Variants in HKDC1 observed in about 807,000 individuals in gnomAD.
The protein encoded by HKDC1 is hexokinase domain containing 1, also known as hexokinase HKDC1.
A neutral mutation model predicts 96.6 loss-of-function variants in HKDC1; 66 were observed. The ratio of observed to expected loss-of-function variants is 0.68; its 90% CI spans 0.56 to 0.84. The LOEUF (loss-of-function observed/expected upper bound fraction) is 0.84, where lower values mean the gene tolerates loss of function less well. Ranked by LOEUF, HKDC1 falls within the 40% of genes least tolerant of loss-of-function variation. The pLI is 0.00. For synonymous variants in HKDC1, 466 were observed against 473.1 expected (o/e 0.98, Z 0.20); for missense variants, 1,211 against 1,208.1 (o/e 1.00, Z -0.04).
At chr10:69,261,806 T>G (rs1268590253) in intron 16 of HKDC1, among the ~76,000 whole-genome samples, 1 of 152,250 alleles carries the variant, frequency 6.6e-6, no homozygotes, top group Non-Finnish European at 1.5e-5. Context: ...GAATCTCTTT[T>G]AATCTATGGG....
At chr10:69,239,265 T>C (rs1843415729) in intron 5 of HKDC1, 128 bp downstream of exon 5, 10 of 631,378 alleles carry the variant, frequency 1.6e-5, no homozygotes, top group South Asian at 1.9e-5. Context: ...AGAGAAGGAA[T>C]TGATCTTAGA....
At chr10:69,229,962 G>T (rs1843225574) in intron 2 of HKDC1, among the ~76,000 whole-genome samples, 1 of 152,014 alleles carries the variant, frequency 6.6e-6, no homozygotes, top group Admixed American at 6.5e-5. Flanking sequence ...TGAGCTGGTG[G>T]TATAATTTCA....
chr10:69,230,790 CTT>C lies in HKDC1; in HGVS notation c.227-1971_227-1970del, dbSNP rs543658541. On this transcript the variant is annotated intron_variant, in intron 2 of 17. Transcript: ENST00000354624. ...CACTACGCCCAACTGACTTTTTTGT[CTT>C]TTGTTTTGTAGAGACAGGGTTTTAC... Among the ~76,000 whole-genome samples, 105 of 152,250 alleles carry C rather than the reference CTT, an allele frequency of 6.9e-4. No homozygotes were observed. The Middle Eastern group carries it at 0.01, about 15-fold the overall frequency.
Position 69,220,338 on chromosome 10 carries a change from G to A in HKDC1, c.-98G>A. 1.1e-6 allele frequency: 1 copy of A among 891,676 alleles called. No individual in the cohort carries two copies. Among genetic ancestry groups the A allele is most frequent in the Non-Finnish European group, 1.7e-6 (1 of 605,920 alleles). The allele number at this position is 891,676 out of a possible 1,614,324, so 55.2% of individuals were successfully genotyped here. A position where few individuals can be genotyped will look rare whatever the true frequency, so the allele number is the denominator to read the frequency against. ...CAACACCTCGCTCCCCAGGAGGTCT[G>A]CCAGCCTGGACTGGAAGCGTGCAAC... On this transcript the variant is annotated 5_prime_UTR_variant, in exon 1 of 18. Coordinates refer to ENST00000354624, the MANE Select transcript of HKDC1 (RefSeq NM_025130.4).
chr10:69,266,514 C>A, intron 17 of HKDC1, 96 bp from the exon 18 acceptor site: 7 of 1,345,580 alleles, frequency 5.2e-6, no homozygotes, highest in South Asian at 4.4e-5. Context: ...AAAAGCAAAC[C>A]AAAGGGAAGA....
At chr10:69,256,714 A>G (rs1379648634) in intron 12 of HKDC1, among the ~76,000 whole-genome samples, 1 of 152,126 alleles carries the variant, frequency 6.6e-6, no homozygotes, top group Non-Finnish European at 1.5e-5. Context: ...CTCAAAAAAA[A>G]AAAGAAAGAA....
chr10:69,257,176 C>A, intron 13 of HKDC1, 45 bp downstream of exon 13: 1 of 1,552,550 alleles, frequency 6.4e-7, no homozygotes, highest in Non-Finnish European at 8.9e-7. Flanking sequence ...GCTGCCTTCC[C>A]CAGGCCCCTC....
chr10:69,230,003 C>T (rs562745987), intron 2 of HKDC1, among the ~76,000 whole-genome samples: 1 of 152,312 alleles, frequency 6.6e-6, no homozygotes, highest in South Asian at 2.1e-4. Flanking sequence ...GCAAAACTCT[C>T]CTAATTCCTT....
At chr10:69,232,343 G>A (rs929606135) in intron 2 of HKDC1, 5 of 177,710 alleles carry the variant, frequency 2.8e-5, no homozygotes, top group Non-Finnish European at 6.0e-5. Context: ...GCTGCTCCTC[G>A]CCGCACATCC....
At chr10:69,243,508 T>C (rs1229146208) in intron 7 of HKDC1, 143 bp downstream of exon 7, 11 of 786,252 alleles carry the variant, frequency 1.4e-5, no homozygotes, top group Non-Finnish European at 2.1e-5. Flanking sequence ...CCTTTTTTTT[T>C]TTTTTTGAGA....
Position 69,247,569 on chromosome 10 carries a change from G to A in HKDC1, c.1241G>A (p.Gly414Asp), listed in dbSNP as rs758451752. ...ERLRTTVGMD[G>D]TLYKIHPQYP... is the part of the protein sequence containing the mutation. ...CTCCGGACCACAGTGGGCATGGACGGCACCCTCTACAAGATACACCCTCAG... is the reference window on the plus strand; with the variant it reads ...CTCCGGACCACAGTGGGCATGGACGACACCCTCTACAAGATACACCCTCAG... Residue 414 changes from glycine (G) to aspartate (D), a missense_variant, in exon 9 of 18, where the codon GGC becomes GAC. Gly to Asp is a moderately conservative substitution (Grantham distance 94). Coordinates refer to ENST00000354624, the MANE Select transcript of HKDC1 (RefSeq NM_025130.4). 4 of 1,614,012 alleles carry A rather than the reference G, an allele frequency of 2.5e-6. No individual in the cohort carries two copies. Among genetic ancestry groups the A allele is most frequent in the East Asian group, 4.5e-5 (2 of 44,884 alleles).
intron 4 of HKDC1, among the ~76,000 whole-genome samples, chr10:69,237,268 G>A (rs1307478002): frequency 1.5e-5 from 2 of 137,124 alleles, no homozygotes; most frequent in Non-Finnish European, 3.1e-5. Context: ...TAACCAAAGA[G>A]AAATTTCTTT....
intron 2 of HKDC1, among the ~76,000 whole-genome samples, chr10:69,231,334 G>A (rs1471652065): frequency 2.0e-5 from 3 of 152,170 alleles, no homozygotes; most frequent in Non-Finnish European, 4.4e-5. Flanking sequence ...CAAGCTCCTT[G>A]GGGTGGATAG....
chr10:69,264,020 C>T (rs1449319795), intron 16 of HKDC1, among the ~76,000 whole-genome samples: 1 of 152,058 alleles, frequency 6.6e-6, no homozygotes, highest in African/African-American at 2.4e-5. Context: ...ATTAGCTGGG[C>T]ATGGTGGTGG....
chr10:69,258,789 C>T lies in HKDC1; in HGVS notation c.2046C>T (p.Asn682=), dbSNP rs146112822. 5.6e-6 allele frequency: 9 copies of T among 1,613,996 alleles called. No individual in the cohort carries two copies. Among genetic ancestry groups the T allele is most frequent in the Non-Finnish European group, 6.8e-6 (8 of 1,180,024 alleles). ...EIGLIAGTGS[N]MCYMEDMRNI... is the part of the protein sequence containing the mutation. ...AATTCCTTCTAGGAACAGGCAGCAA[C>T]ATGTGCTACATGGAGGACATGAGGA... is the stretch of plus-strand genomic sequence containing the variant. Residue 682 remains asparagine (N), a synonymous_variant, in exon 15 of 18, where the codon AAC becomes AAT. Transcript: ENST00000354624.
At chr10:69,239,366 G>A (rs1843417515) in intron 5 of HKDC1, among the ~76,000 whole-genome samples, 1 of 152,212 alleles carries the variant, frequency 6.6e-6, no homozygotes, top group Non-Finnish European at 1.5e-5. Flanking sequence ...ATTGAAAGGT[G>A]GCCAGCTCAT....
intron 12 of HKDC1, among the ~76,000 whole-genome samples, chr10:69,251,738 A>G (rs571717851): frequency 6.6e-6 from 1 of 150,744 alleles, no homozygotes; most frequent in African/African-American, 2.4e-5. Flanking sequence ...TTTTGATGCT[A>G]TTATAAATGG....
rs369512531 is a variant in HKDC1, at chr10:69,250,562, C to T, written c.1746C>T (p.Ala582=). 82 of 1,614,078 alleles carry T rather than the reference C, an allele frequency of 5.1e-5. No individual in the cohort carries two copies. The highest frequency in any genetic ancestry group is 1.8e-4 in the Admixed American group (11 of 60,018). The change falls in exon 12 of 18, where the codon GCC becomes GCT. Residue 582 remains alanine, a synonymous_variant. Coordinates refer to ENST00000354624, the MANE Select transcript of HKDC1 (RefSeq NM_025130.4). ...TTGATCACATTGTGCAGTGCATCGC[C>T]GACTTCCTGGACTACATGGGCCTCA... is the stretch of plus-strand genomic sequence containing the variant. The part of the protein sequence containing the change: ...ELFDHIVQCI[A]DFLDYMGLKG...
intron 16 of HKDC1, among the ~76,000 whole-genome samples, chr10:69,264,714 C>T (rs1449764515): frequency 1.3e-5 from 2 of 152,118 alleles, no homozygotes; most frequent in Admixed American, 1.3e-4. Flanking sequence ...TTGGCTACAC[C>T]GCCATTTACC....
Sources: allele counts gnomAD v4.1 joint callset (sites outside exome capture counted in the v4.1 genomes callset), GRCh38; gene constraint gnomAD v4.1.1; transcripts MANE v1.5; gene names NCBI Gene and HGNC (gene_info 2026-07-23, HGNC 2026-07-21).